CRPPA: variants seen among roughly 807,000 people sequenced by gnomAD.
The protein encoded by CRPPA is CDP-L-ribitol pyrophosphorylase A.
In CRPPA, 43 loss-of-function variants were observed where a neutral mutation model predicts 52.0. That is an observed-to-expected ratio of 0.83 (90% CI 0.65 to 1.07). The LOEUF (loss-of-function observed/expected upper bound fraction) is 1.07. Ranked by LOEUF, CRPPA falls within the 50% of genes least tolerant of loss-of-function variation. CRPPA has a pLI of 0.00. For synonymous variants in CRPPA, 250 were observed against 203.5 expected (o/e 1.23, Z -1.94); for missense variants, 629 against 551.7 (o/e 1.14, Z -1.40).
At chr7:16,168,386 T>C (rs1429748402) in intron 9 of CRPPA, among the ~76,000 whole-genome samples, 1 of 152,124 alleles carries the variant, frequency 6.6e-6, no homozygotes, top group Non-Finnish European at 1.5e-5. Flanking sequence ...AAACCAGTAT[T>C]AATGGTACTA....
intron 4 of CRPPA, among the ~76,000 whole-genome samples, chr7:16,305,862 C>T (rs866940605): frequency 2.6e-5 from 4 of 152,146 alleles, no homozygotes; most frequent in African/African-American, 9.7e-5. Context: ...AACCTGATGA[C>T]AGAGCAAGAC....
chr7:16,414,918 T>A (rs10275008), intron 1 of CRPPA, among the ~76,000 whole-genome samples: 2,275 of 152,314 alleles, frequency 0.015, 62 homozygotes, highest in African/African-American at 0.051. Context: ...TGGAGTATAT[T>A]AACCTATACA....
chr7:16,142,623 C>T (rs1289063400), intron 9 of CRPPA, among the ~76,000 whole-genome samples: 1 of 152,168 alleles, frequency 6.6e-6, no homozygotes, highest in Non-Finnish European at 1.5e-5. Flanking sequence ...TGTATTTACA[C>T]ACTATTATTT....
intron 5 of CRPPA, among the ~76,000 whole-genome samples, chr7:16,291,640 T>C (rs2107589): frequency 6.6e-6 from 1 of 151,650 alleles, no homozygotes; most frequent in Non-Finnish European, 1.5e-5. Context: ...TACAGTCAGA[T>C]AGAAGAAATA....
At chr7:16,134,650 A>G (rs1782733027) in intron 9 of CRPPA, among the ~76,000 whole-genome samples, 1 of 152,216 alleles carries the variant, frequency 6.6e-6, no homozygotes, top group Non-Finnish European at 1.5e-5. Context: ...ATAATCAATG[A>G]TCAAGAACAC....
chr7:16,158,359 T>C (rs924779051), intron 9 of CRPPA, among the ~76,000 whole-genome samples: 1 of 152,158 alleles, frequency 6.6e-6, no homozygotes, highest in Non-Finnish European at 1.5e-5. Flanking sequence ...GGAACCCCGA[T>C]TCCAAACACA....
chr7:16,381,763 T>C (rs1380334000), intron 2 of CRPPA, among the ~76,000 whole-genome samples: 4 of 151,850 alleles, frequency 2.6e-5, no homozygotes, highest in Admixed American at 1.3e-4. Context: ...CTTTGTCTCT[T>C]TCGATCTTTG....
chr7:16,274,096 C>G (rs1784153289), intron 6 of CRPPA, among the ~76,000 whole-genome samples: 1 of 152,202 alleles, frequency 6.6e-6, no homozygotes. Context: ...GTCGCCCAGG[C>G]TGGAGTGCAG....
At position 16,315,387 on chromosome 7, in the gene CRPPA, T is replaced by C. The variant is rs886713311; in HGVS notation, c.685-6760A>G. Among the ~76,000 whole-genome samples the C allele has an allele frequency of 5.3e-5, 8 of 152,294 alleles. No homozygotes were observed. In the South Asian group the frequency reaches 1.2e-3, roughly 24 times the overall value. On this transcript the variant is annotated intron_variant, in intron 3 of 9. Transcript: ENST00000407010. The stretch of plus-strand genomic sequence containing the variant: ...TGGTTCTTATGCTCACTATTTCTTA[T>C]ACTTCGTAAATTTTCCTTGATAGCT...
intron 3 of CRPPA, among the ~76,000 whole-genome samples, chr7:16,329,677 A>T (rs1583524233): frequency 6.6e-6 from 1 of 152,332 alleles, no homozygotes; most frequent in East Asian, 1.9e-4. Context: ...TACAATACAA[A>T]CACGTAAACA....
chr7:16,171,010 A>G (rs1240855556), intron 9 of CRPPA, among the ~76,000 whole-genome samples: 1 of 152,164 alleles, frequency 6.6e-6, no homozygotes, highest in African/African-American at 2.4e-5. Context: ...CAGCCCAGAG[A>G]GGGGCTCCCA....
chr7:16,192,311 A>C (rs1195910547), intron 9 of CRPPA, among the ~76,000 whole-genome samples: 1 of 152,008 alleles, frequency 6.6e-6, no homozygotes, highest in Non-Finnish European at 1.5e-5. Context: ...ACCCTGAGTG[A>C]TATGTAAGGT....
intron 8 of CRPPA, among the ~76,000 whole-genome samples, chr7:16,230,911 G>A (rs1307011319): frequency 6.6e-6 from 1 of 152,100 alleles, no homozygotes; most frequent in East Asian, 1.9e-4. Flanking sequence ...CTGTTCAGAG[G>A]ACTGACACAA....
intron 1 of CRPPA, among the ~76,000 whole-genome samples, chr7:16,418,798 A>C (rs371336208): frequency 6.6e-6 from 1 of 152,052 alleles, no homozygotes. Context: ...TCAAGATGAG[A>C]TTTTTGGGTG....
At chr7:16,419,815 T>C (rs1788283866) in intron 1 of CRPPA, among the ~76,000 whole-genome samples, 1 of 152,160 alleles carries the variant, frequency 6.6e-6, no homozygotes, top group Admixed American at 6.6e-5. Flanking sequence ...AAATTATCTT[T>C]TAAAACTCCG....
At chr7:16,368,434 T>C (rs1394930354) in intron 3 of CRPPA, among the ~76,000 whole-genome samples, 1 of 152,204 alleles carries the variant, frequency 6.6e-6, no homozygotes, top group Non-Finnish European at 1.5e-5. Context: ...CCAAGATTCT[T>C]TGAAAACAAA....
At chr7:16,334,206 T>G (rs1217728470) in intron 3 of CRPPA, among the ~76,000 whole-genome samples, 1 of 152,178 alleles carries the variant, frequency 6.6e-6, no homozygotes, top group Non-Finnish European at 1.5e-5. Flanking sequence ...CTTAGGCAGC[T>G]TCCCGCATAG....
rs1300229709 is a variant in CRPPA, at chr7:16,406,256, C to T, written c.339G>A (p.Gln113=). The change falls in exon 2 of 10, where the codon CAG becomes CAA. Residue 113 remains glutamine, a synonymous_variant. Transcript: ENST00000407010. The stretch of plus-strand genomic sequence containing the variant: ...CTTCGACCAGTGAGATGCGTTTATG[C>T]TGATACTTCTGAATAATACTTTTCA... ...EVMKSIIQKY[Q]HKRISLVEAG... is the part of the protein sequence containing the mutation. 6.2e-7 allele frequency: 1 copy of T among 1,613,920 alleles called. No individual in the cohort carries two copies. The highest frequency in any genetic ancestry group is 1.1e-5 in the South Asian group (1 of 91,076).
In CRPPA at chr7:16,342,109, G is replaced by A. The variant is rs114588234; in HGVS notation, c.685-33482C>T. On this transcript the variant is annotated intron_variant, in intron 3 of 9. Transcript: ENST00000407010. ...ATAAAACTCTAATCATGGGTTTCAT[G>A]AGAACCATAACATCTAGGTATTAAT... Among the ~76,000 whole-genome samples, 958 of 152,260 alleles carry A rather than the reference G, an allele frequency of 6.3e-3. 12 individuals are homozygous for A. Among genetic ancestry groups the A allele is most frequent in the African/African-American group, 0.022 (915 of 41,546 alleles).
Sources: gnomAD v4.1 joint callset for allele counts (sites outside exome capture counted in the v4.1 genomes callset) on GRCh38, gnomAD v4.1.1 for gene constraint, MANE v1.5 for transcripts, NCBI Gene and HGNC (gene_info 2026-07-23, HGNC 2026-07-21) for gene names.